Variants in SLC35F3 observed in about 807,000 individuals in gnomAD.
The protein encoded by SLC35F3 is solute carrier family 35 member F3.
SLC35F3 carries 25 observed loss-of-function variants against 49.9 expected under a neutral mutation model. The observed-to-expected ratio is 0.50, with a 90% CI of 0.37 to 0.70. The LOEUF (loss-of-function observed/expected upper bound fraction) is 0.70, where lower values mean the gene tolerates loss of function less well. Among genes scored for constraint, SLC35F3 ranks in the 30% least tolerant of loss-of-function variants. The pLI is 0.00. For synonymous variants in SLC35F3, 275 were observed against 265.4 expected, an observed-to-expected ratio of 1.04 and a Z score of -0.35; for missense variants, 525 against 639.8, an observed-to-expected ratio of 0.82 and a Z score of 1.94.
chr1:233,944,538 C>T (rs780436317), intron 2 of SLC35F3, among the ~76,000 whole-genome samples: 7 of 152,130 alleles, frequency 4.6e-5, no homozygotes, highest in African/African-American at 1.7e-4. Flanking sequence ...TCATATCCAT[C>T]GAAGGTGCAG....
intron 2 of SLC35F3, among the ~76,000 whole-genome samples, chr1:234,033,517 C>T (rs1265899844): frequency 2.0e-5 from 3 of 152,146 alleles, no homozygotes; most frequent in Non-Finnish European, 4.4e-5. Flanking sequence ...TGATCCATCT[C>T]GAGTTGGCTT....
chr1:234,227,499 C>T (rs1667305266), intron 2 of SLC35F3, among the ~76,000 whole-genome samples: 2 of 149,834 alleles, frequency 1.3e-5, no homozygotes, highest in Non-Finnish European at 3.0e-5. Context: ...CCCAGGTTCA[C>T]GCCATTCTCC....
At chr1:233,984,283 T>C (rs746115992) in intron 2 of SLC35F3, among the ~76,000 whole-genome samples, 1 of 152,310 alleles carries the variant, frequency 6.6e-6, no homozygotes, top group Non-Finnish European at 1.5e-5. Flanking sequence ...GAAAGTGTTA[T>C]AGAACTGAAC....
At chr1:233,930,831 G>A (rs1460233384) in intron 2 of SLC35F3, among the ~76,000 whole-genome samples, 1 of 152,136 alleles carries the variant, frequency 6.6e-6, no homozygotes, top group African/African-American at 2.4e-5. Flanking sequence ...AATGGAAGTG[G>A]ATCATCATAA....
chr1:233,945,409 C>G (rs767837367), intron 2 of SLC35F3, among the ~76,000 whole-genome samples: 3 of 152,118 alleles, frequency 2.0e-5, no homozygotes, highest in Non-Finnish European at 2.9e-5. Flanking sequence ...TTTTAAGAAG[C>G]AATAAGCTGC....
At chr1:234,177,311 A>G (rs1666490799) in intron 2 of SLC35F3, among the ~76,000 whole-genome samples, 1 of 152,186 alleles carries the variant, frequency 6.6e-6, no homozygotes, top group Non-Finnish European at 1.5e-5. Context: ...AGTGTCAGGT[A>G]TGTCTTTATC....
intron 2 of SLC35F3, among the ~76,000 whole-genome samples, chr1:234,199,141 T>A (rs895955648): frequency 6.6e-6 from 1 of 152,044 alleles, no homozygotes; most frequent in African/African-American, 2.4e-5. Flanking sequence ...GATGGGAGGA[T>A]TGCTTAAGCT....
chr1:234,170,813 C>CACGA (rs970132166), intron 2 of SLC35F3, among the ~76,000 whole-genome samples: 17 of 152,268 alleles, frequency 1.1e-4, no homozygotes, highest in African/African-American at 3.8e-4. Flanking sequence ...TTAACGGTTG[C>CACGA]ACGAACGCAA....
chr1:234,221,221 G>C (rs1006052520), intron 2 of SLC35F3, among the ~76,000 whole-genome samples: 33 of 152,134 alleles, frequency 2.2e-4, no homozygotes, highest in African/African-American at 8.0e-4. Context: ...CTGGATACTT[G>C]GTTGAAGTGT....
At chr1:234,178,223 G>A (rs1360103183) in intron 2 of SLC35F3, among the ~76,000 whole-genome samples, 4 of 152,108 alleles carry the variant, frequency 2.6e-5, no homozygotes, top group African/African-American at 9.7e-5. Context: ...CTTGGGCTAT[G>A]TTGCTTCTCA....
At chr1:233,934,785 A>G (rs1662297824) in intron 2 of SLC35F3, among the ~76,000 whole-genome samples, 1 of 102,238 alleles carries the variant, frequency 9.8e-6, no homozygotes, top group Admixed American at 9.4e-5. Context: ...CCTCTGAAGC[A>G]AAGGTAGCTC....
intron 3 of SLC35F3, among the ~76,000 whole-genome samples, chr1:234,282,601 T>C (rs1406610916): frequency 6.6e-6 from 1 of 152,198 alleles, no homozygotes; most frequent in Non-Finnish European, 1.5e-5. Context: ...GAATGAAAGA[T>C]GGCAGAGCAC....
intron 3 of SLC35F3, among the ~76,000 whole-genome samples, chr1:234,262,462 G>A (rs914047067): frequency 6.6e-6 from 1 of 152,226 alleles, no homozygotes; most frequent in South Asian, 2.1e-4. Flanking sequence ...CTCAGGAATG[G>A]TGGTGTCTGT....
chr1:233,936,246 G>A (rs1052893395), intron 2 of SLC35F3, among the ~76,000 whole-genome samples: 7 of 152,184 alleles, frequency 4.6e-5, no homozygotes, highest in African/African-American at 1.7e-4. Flanking sequence ...AGGAAGATAG[G>A]AAGAAAGGAG....
At chr1:234,087,327 G>A (rs139304496) in intron 2 of SLC35F3, among the ~76,000 whole-genome samples, 1 of 152,318 alleles carries the variant, frequency 6.6e-6, no homozygotes, top group Non-Finnish European at 1.5e-5. Flanking sequence ...GCTGTCACTG[G>A]TGGTGTATCT....
At chr1:234,109,989 A>G (rs1300719676) in intron 2 of SLC35F3, among the ~76,000 whole-genome samples, 1 of 152,162 alleles carries the variant, frequency 6.6e-6, no homozygotes, top group African/African-American at 2.4e-5. Flanking sequence ...GGGCTATGGT[A>G]TGACTAGGAA....
intron 2 of SLC35F3, among the ~76,000 whole-genome samples, chr1:233,909,207 C>G (rs1222561335): frequency 1.3e-5 from 2 of 152,020 alleles, no homozygotes; most frequent in Admixed American, 6.6e-5. Flanking sequence ...AAAGGGATGG[C>G]TTTTGTGAAA....
chr1:233,927,609 T>G (rs929387350), intron 2 of SLC35F3, among the ~76,000 whole-genome samples: 1 of 152,044 alleles, frequency 6.6e-6, no homozygotes, highest in Non-Finnish European at 1.5e-5. Flanking sequence ...GAAGTACTAA[T>G]AAAAACTGAA....
intron 2 of SLC35F3, among the ~76,000 whole-genome samples, chr1:234,225,748 CT>C (rs1667275969): frequency 6.6e-6 from 1 of 152,224 alleles, no homozygotes; most frequent in Non-Finnish European, 1.5e-5. Flanking sequence ...TAGCAGCATT[CT>C]TCACAGCAGC....
Sources: allele counts gnomAD v4.1 joint callset (sites outside exome capture counted in the v4.1 genomes callset), GRCh38; gene constraint gnomAD v4.1.1; transcripts MANE v1.5; gene names NCBI Gene and HGNC (gene_info 2026-07-23, HGNC 2026-07-21).